NKAIN3: variants seen among roughly 807,000 people sequenced by gnomAD.
NKAIN3 encodes the protein sodium/potassium transporting ATPase interacting 3.
NKAIN3 carries 25 observed loss-of-function variants against 30.2 expected under a neutral mutation model. The observed-to-expected ratio is 0.83, with a 90% CI of 0.60 to 1.16. The LOEUF is 1.16. Among genes scored for constraint, NKAIN3 ranks in the 50% most tolerant of loss-of-function variants. The probability of loss-of-function intolerance (pLI) is 0.00; values close to 1 mark genes in which losing one functional copy is unlikely to be tolerated. For synonymous variants in NKAIN3, 91 were observed against 89.6 expected, an observed-to-expected ratio of 1.02 and a Z score of -0.09; for missense variants, 225 against 254.1, an observed-to-expected ratio of 0.89 and a Z score of 0.78.
intron 4 of NKAIN3, 52 bp from the exon 5 acceptor site, chr8:62,918,401 G>C: frequency 7.6e-7 from 1 of 1,307,364 alleles, no homozygotes. Context: ...GGCTCTTTAA[G>C]TATGGAAACT....
chr8:62,323,287 T>C (rs1815002896), intron 1 of NKAIN3, among the ~76,000 whole-genome samples: 1 of 152,194 alleles, frequency 6.6e-6, no homozygotes, highest in African/African-American at 2.4e-5. Context: ...AAAGATGTCC[T>C]TTACAGAGAT....
chr8:62,810,872 T>C (rs115991223), intron 4 of NKAIN3, among the ~76,000 whole-genome samples: 1,762 of 152,212 alleles, frequency 0.012, 36 homozygotes, highest in African/African-American at 0.041. Context: ...TGTAGGAAAT[T>C]ATAAAGGAAG....
intron 1 of NKAIN3, among the ~76,000 whole-genome samples, chr8:62,325,169 A>T (rs1363546200): frequency 6.6e-6 from 1 of 152,068 alleles, no homozygotes; most frequent in South Asian, 2.1e-4. Context: ...AGTCCATTAT[A>T]TCATTCTTAT....
chr8:62,710,476 C>T lies in NKAIN3; in HGVS notation c.274-36456C>T, dbSNP rs113275108. On this transcript the variant is annotated intron_variant, in intron 3 of 6. Transcript: ENST00000623646. Reference sequence around the variant, plus strand: ...AGGCCTTTCACCATTATATAATGTCCCTCTTTTTCTCTCTTAACCACTATT... The same window carrying T: ...AGGCCTTTCACCATTATATAATGTCTCTCTTTTTCTCTCTTAACCACTATT... 2.9e-3 allele frequency among the ~76,000 whole-genome samples: 442 copies of T among 152,086 alleles called. 2 individuals are homozygous for T. The highest frequency in any genetic ancestry group is 0.01 in the African/African-American group (420 of 41,504).
At chr8:62,394,415 T>C (rs1178842812) in intron 1 of NKAIN3, among the ~76,000 whole-genome samples, 1 of 152,194 alleles carries the variant, frequency 6.6e-6, no homozygotes, top group Non-Finnish European at 1.5e-5. Context: ...CAACTGTGTA[T>C]ACATGAGAAA....
chr8:62,943,556 A>G (rs1305714638), intron 5 of NKAIN3, among the ~76,000 whole-genome samples: 3 of 147,150 alleles, frequency 2.0e-5, no homozygotes, highest in Non-Finnish European at 4.4e-5. Context: ...CCCAGAGGAA[A>G]AGTCATTATA....
chr8:62,888,681 C>A (rs1257121829), intron 4 of NKAIN3, among the ~76,000 whole-genome samples: 1 of 152,154 alleles, frequency 6.6e-6, no homozygotes, highest in Non-Finnish European at 1.5e-5. Context: ...GAAATGTAAC[C>A]TTTAAAAACA....
At chr8:62,691,324 G>C (rs1813959038) in intron 3 of NKAIN3, among the ~76,000 whole-genome samples, 1 of 152,088 alleles carries the variant, frequency 6.6e-6, no homozygotes, top group South Asian at 2.1e-4. Flanking sequence ...GAGGAGAGAT[G>C]CGGGGACATT....
In NKAIN3 at chr8:62,626,832, C is replaced by T. The variant is rs1050330857; in HGVS notation, c.273+37038C>T. 3.9e-5 allele frequency among the ~76,000 whole-genome samples: 6 copies of T among 152,136 alleles called. No individual in the cohort carries two copies. The East Asian group carries it at 9.6e-4, about 24-fold the overall frequency. On this transcript the variant is annotated intron_variant, in intron 3 of 6. Coordinates refer to ENST00000623646, the MANE Select transcript of NKAIN3 (RefSeq NM_001304533.3). ...TGCACCTTCCCATAGGGTCTCAGTG[C>T]TAATTTCAGACAGTAAGTCAACCAC... is the stretch of plus-strand genomic sequence containing the variant.
At chr8:62,818,549 G>A (rs955364774) in intron 4 of NKAIN3, among the ~76,000 whole-genome samples, 1 of 149,518 alleles carries the variant, frequency 6.7e-6, no homozygotes, top group Non-Finnish European at 1.5e-5. Context: ...CTTGTGTCTT[G>A]TTTGTTCATT....
At chr8:62,769,614 C>G (rs1281857664) in intron 4 of NKAIN3, among the ~76,000 whole-genome samples, 1 of 152,324 alleles carries the variant, frequency 6.6e-6, no homozygotes, top group African/African-American at 2.4e-5. Context: ...AAAGCCAGGG[C>G]TCTCCTCCCA....
intron 1 of NKAIN3, among the ~76,000 whole-genome samples, chr8:62,264,043 A>G (rs960538950): frequency 6.6e-6 from 1 of 152,180 alleles, no homozygotes. Context: ...CATTGGTCAG[A>G]TATATTTAAA....
At chr8:62,734,650 A>T (rs1349438812) in intron 3 of NKAIN3, among the ~76,000 whole-genome samples, 5 of 152,208 alleles carry the variant, frequency 3.3e-5, no homozygotes. Context: ...AATAAGAAAA[A>T]CCAAGAGAGA....
chr8:62,548,263 T>C (rs1434325000), intron 1 of NKAIN3, among the ~76,000 whole-genome samples: 2 of 152,198 alleles, frequency 1.3e-5, no homozygotes, highest in East Asian at 3.8e-4. Context: ...TGAAAATATA[T>C]TCAGTATTTT....
intron 1 of NKAIN3, among the ~76,000 whole-genome samples, chr8:62,521,202 C>A (rs16929105): frequency 0.1 from 15,539 of 151,792 alleles, 2,520 homozygotes; most frequent in African/African-American, 0.35. Context: ...TCGCACCAAT[C>A]GTCTCTCAAG....
At chr8:62,736,220 G>A (rs918218348) in intron 3 of NKAIN3, among the ~76,000 whole-genome samples, 1 of 152,202 alleles carries the variant, frequency 6.6e-6, no homozygotes, top group African/African-American at 2.4e-5. Context: ...TTCTCAGGTA[G>A]TGGGCAGGAT....
intron 1 of NKAIN3, among the ~76,000 whole-genome samples, chr8:62,541,231 T>C (rs1289312430): frequency 1.3e-5 from 2 of 152,022 alleles, no homozygotes; most frequent in Admixed American, 1.3e-4. Flanking sequence ...GCAGGAGAAC[T>C]GCTAGAACCT....
At chr8:62,311,969 C>T (rs536840623) in intron 1 of NKAIN3, among the ~76,000 whole-genome samples, 1 of 150,272 alleles carries the variant, frequency 6.7e-6, no homozygotes, top group East Asian at 1.9e-4. Flanking sequence ...AATACTGATG[C>T]TAGTATCGAG....
chr8:62,438,949 C>T (rs1191844572), intron 1 of NKAIN3, among the ~76,000 whole-genome samples: 5 of 152,082 alleles, frequency 3.3e-5, no homozygotes. Flanking sequence ...GGTGCAGGAG[C>T]AATGCTGGTG....
Sources: allele counts gnomAD v4.1 joint callset (sites outside exome capture counted in the v4.1 genomes callset), GRCh38; gene constraint gnomAD v4.1.1; transcripts MANE v1.5; gene names NCBI Gene and HGNC (gene_info 2026-07-23, HGNC 2026-07-21).